CHRM5: variants seen among roughly 807,000 people sequenced by gnomAD.
The protein encoded by CHRM5 is muscarinic acetylcholine receptor M5.
CHRM5 carries 18 observed loss-of-function variants against 39.0 expected under a neutral mutation model. The observed-to-expected ratio is 0.46, with a 90% CI of 0.32 to 0.68. CHRM5 has a LOEUF of 0.68. CHRM5 is among the 30% of genes least tolerant of loss of function. CHRM5 has a pLI of 0.04. For synonymous variants in CHRM5, 241 were observed against 246.3 expected, an observed-to-expected ratio of 0.98 and a Z score of 0.20; for missense variants, 515 against 651.1, an observed-to-expected ratio of 0.79 and a Z score of 2.28.
At chr15:33,998,143 A>G (rs1684004073) in intron 1 of CHRM5, among the ~76,000 whole-genome samples, 1 of 152,024 alleles carries the variant, frequency 6.6e-6, no homozygotes. Flanking sequence ...CTTTCCTCCA[A>G]TTACAGTTGG....
At chr15:34,000,495 C>A (rs1897096469) in intron 1 of CHRM5, among the ~76,000 whole-genome samples, 5 of 152,150 alleles carry the variant, frequency 3.3e-5, no homozygotes, top group Admixed American at 2.0e-4. Flanking sequence ...AGCAATTTGG[C>A]AATATCTAGA....
intron 1 of CHRM5, among the ~76,000 whole-genome samples, chr15:33,978,490 C>G (rs980455312): frequency 6.6e-6 from 1 of 152,002 alleles, no homozygotes; most frequent in Non-Finnish European, 1.5e-5. Flanking sequence ...ATGGTGAAAC[C>G]CTGTCTCTAC....
intron 1 of CHRM5, among the ~76,000 whole-genome samples, chr15:34,024,547 C>A (rs1387820942): frequency 6.7e-6 from 1 of 149,198 alleles, no homozygotes; most frequent in East Asian, 2.0e-4. Flanking sequence ...ATTAAAACTA[C>A]AAATTACTAT....
At chr15:34,057,029 T>A (rs1900179575) in intron 2 of CHRM5, among the ~76,000 whole-genome samples, 1 of 152,078 alleles carries the variant, frequency 6.6e-6, no homozygotes, top group Non-Finnish European at 1.5e-5. Flanking sequence ...CCACAAAGCA[T>A]CTAAAAGAGC....
chr15:33,972,503 AAAAAACAAAAACAACAACAGAAAAC>A, intron 1 of CHRM5: 1 of 151,744 alleles, frequency 6.6e-6, no homozygotes, highest in Admixed American at 6.6e-5. Flanking sequence ...TGGATTTGTT[AAAAAACAAAAACAACAACAGAAAAC>A]AAAAACAAAA....
chr15:34,009,819 T>C (rs1021946565), intron 1 of CHRM5, among the ~76,000 whole-genome samples: 1 of 151,972 alleles, frequency 6.6e-6, no homozygotes. Context: ...AGAGCATTGC[T>C]ACAAAAATAA....
At chr15:33,990,011 T>A (rs1896649181) in intron 1 of CHRM5, among the ~76,000 whole-genome samples, 2 of 151,730 alleles carry the variant, frequency 1.3e-5, no homozygotes, top group Non-Finnish European at 2.9e-5. Flanking sequence ...GAGACCAGCC[T>A]GGCCAACATG....
intron 1 of CHRM5, among the ~76,000 whole-genome samples, chr15:33,976,132 G>A (rs571229586): frequency 4.6e-5 from 7 of 152,162 alleles, no homozygotes; most frequent in African/African-American, 1.7e-4. Flanking sequence ...ATTACAACCA[G>A]CAGGATATAT....
chr15:33,999,435 A>T (rs1766815486), intron 1 of CHRM5, among the ~76,000 whole-genome samples: 1 of 152,124 alleles, frequency 6.6e-6, no homozygotes, highest in Non-Finnish European at 1.5e-5. Flanking sequence ...TGTGCCAGCC[A>T]TTTATTAAGG....
At chr15:34,054,014 G>T (rs1457009533) in intron 2 of CHRM5, among the ~76,000 whole-genome samples, 1 of 151,964 alleles carries the variant, frequency 6.6e-6, no homozygotes, top group Non-Finnish European at 1.5e-5. Context: ...AGTGGGCAAA[G>T]AACCTGTATG....
intron 1 of CHRM5, among the ~76,000 whole-genome samples, chr15:34,006,140 T>C (rs1897329265): frequency 6.6e-6 from 1 of 152,022 alleles, no homozygotes; most frequent in Admixed American, 6.6e-5. Flanking sequence ...TGAAACCCCA[T>C]CTCTACTAAA....
intron 1 of CHRM5, among the ~76,000 whole-genome samples, chr15:34,035,817 CAG>C (rs1899090729): frequency 2.0e-5 from 3 of 152,178 alleles, no homozygotes; most frequent in South Asian, 2.1e-4. Flanking sequence ...TTATTTGAGA[CAG>C]AGTCTCACTC....
chr15:34,050,728 A>G (rs1899899995), intron 2 of CHRM5, among the ~76,000 whole-genome samples: 1 of 152,214 alleles, frequency 6.6e-6, no homozygotes, highest in South Asian at 2.1e-4. Flanking sequence ...CAGACTTTAA[A>G]CCAATAAGAT....
At position 34,063,360 on chromosome 15, in the gene CHRM5, C is replaced by A. The variant is rs763280962; in HGVS notation, c.643C>A (p.Arg215=). Residue 215 remains arginine, a synonymous_variant, in exon 3 of 3, where the codon CGA becomes AGA. Coordinates refer to ENST00000383263, the MANE Select transcript of CHRM5 (RefSeq NM_012125.4). The surrounding 1 kb of genome is among the most constrained non-coding windows in gnomAD (Gnocchi z 4.1). ...PVSVMTILYC[R]IYRETEKRTK... ...TTCTGTCATGACCATCCTCTACTGT[C>A]GAATCTACCGGGAAACAGAGAAGCG... 1.2e-6 allele frequency: 2 copies of A among 1,614,098 alleles called. No individual in the cohort carries two copies. Among genetic ancestry groups the A allele is most frequent in the Non-Finnish European group, 1.7e-6 (2 of 1,180,032 alleles).
In CHRM5 at chr15:34,063,727, T is replaced by G. The variant is rs759117995; in HGVS notation, c.1010T>G (p.Phe337Cys). 1.9e-5 allele frequency: 31 copies of G among 1,614,078 alleles called. No individual in the cohort carries two copies. The highest frequency in any genetic ancestry group is 2.6e-5 in the Non-Finnish European group (31 of 1,180,060). The change falls in exon 3 of 3, where the codon TTC becomes TGC. Residue 337 changes from phenylalanine to cysteine, a missense_variant. Physicochemically the swap from Phe to Cys is radical, Grantham distance 205. Transcript: ENST00000383263. This position sits in a 1 kb window ranked among gnomAD's most constrained non-coding sequence, Gnocchi z 4.1. ...SQGKESPGEE[F>C]SAEETEETFV... ...GGTAAGGAAAGCCCAGGGGAAGAATTCAGTGCTGAAGAGACTGAGGAAACT... is the reference window on the plus strand; with the variant it reads ...GGTAAGGAAAGCCCAGGGGAAGAATGCAGTGCTGAAGAGACTGAGGAAACT...
chr15:34,004,546 A>C (rs1897259968), intron 1 of CHRM5, among the ~76,000 whole-genome samples: 1 of 152,324 alleles, frequency 6.6e-6, no homozygotes, highest in African/African-American at 2.4e-5. Flanking sequence ...GATTATATTA[A>C]GGAAATACCA....
At position 34,063,690 on chromosome 15, in the gene CHRM5, T is replaced by C. The variant is rs779012334; in HGVS notation, c.973T>C (p.Tyr325His). 2 of 1,614,188 alleles carry C rather than the reference T, an allele frequency of 1.2e-6. No individual in the cohort carries two copies. Among genetic ancestry groups the C allele is most frequent in the Admixed American group, 3.3e-5 (2 of 60,028 alleles). Reference protein sequence around the residue: ...PATDPVLQVVYKSQGKESPGE... With the variant: ...PATDPVLQVVHKSQGKESPGE... ...CACTGACCCTGTCCTCCAAGTGGTC[T>C]ACAAGAGTCAGGGTAAGGAAAGCCC... Residue 325 changes from tyrosine (Y) to histidine (H), a missense_variant, in exon 3 of 3, where the codon TAC (tyrosine) becomes CAC (histidine). Transcript: ENST00000383263. The surrounding 1 kb of genome is among the most constrained non-coding windows in gnomAD (Gnocchi z 4.1).
At chr15:34,046,015 G>A (rs1176320779) in intron 1 of CHRM5, among the ~76,000 whole-genome samples, 3 of 152,098 alleles carry the variant, frequency 2.0e-5, no homozygotes, top group African/African-American at 7.2e-5. Context: ...TCTAGATGGT[G>A]GGATGAAAAA....
chr15:34,011,354 TAAATA>T (rs1386399846), intron 1 of CHRM5, among the ~76,000 whole-genome samples: 2 of 152,214 alleles, frequency 1.3e-5, no homozygotes, highest in African/African-American at 4.8e-5. Context: ...CTTTGTGTAT[TAAATA>T]AAATATATGT....
Sources: allele counts gnomAD v4.1 joint callset (sites outside exome capture counted in the v4.1 genomes callset), GRCh38; gene constraint gnomAD v4.1.1; non-coding constraint Gnocchi (gnomAD v3.1); transcripts MANE v1.5; gene names NCBI Gene and HGNC (gene_info 2026-07-23, HGNC 2026-07-21).